EPB41L4A: variants seen among roughly 807,000 people sequenced by gnomAD.
The protein encoded by EPB41L4A is band 4.1-like protein 4A.
Under a neutral mutation model 108.6 loss-of-function variants are expected in EPB41L4A, and 100 were observed. The ratio of observed to expected loss-of-function variants is 0.92; its 90% CI spans 0.78 to 1.09. The LOEUF is 1.09. Ranked by LOEUF, EPB41L4A falls within the 50% of genes least tolerant of loss-of-function variation. The pLI, the probability that EPB41L4A is intolerant of heterozygous loss-of-function variation, is 0.00. For missense variants in EPB41L4A, 1,030 were observed against 842.7 expected, an observed-to-expected ratio of 1.22 and a Z score of -2.75; for synonymous variants, 319 against 289.0, an observed-to-expected ratio of 1.10 and a Z score of -1.05.
chr5:112,222,441 C>T (rs1417281156), intron 12 of EPB41L4A, among the ~76,000 whole-genome samples: 1 of 152,180 alleles, frequency 6.6e-6, no homozygotes, highest in African/African-American at 2.4e-5. Flanking sequence ...ACCCATCTTT[C>T]TCATGGGGAT....
At position 112,218,882 on chromosome 5, in the gene EPB41L4A, A is replaced by G. The variant is rs148088316; in HGVS notation, c.1088-8900T>C. Reference sequence around the variant, plus strand: ...AAATGATACCTAAAATTTTTCATGAAAAGTTTAAATAGTACCAAAGGATAT... The same window carrying G: ...AAATGATACCTAAAATTTTTCATGAGAAGTTTAAATAGTACCAAAGGATAT... On this transcript the variant is annotated intron_variant, in intron 12 of 22. Coordinates refer to ENST00000261486, the MANE Select transcript of EPB41L4A (RefSeq NM_022140.5). Among the ~76,000 whole-genome samples, 5 of 152,302 alleles carry G rather than the reference A, an allele frequency of 3.3e-5. No individual in the cohort carries two copies. In the East Asian group the frequency reaches 9.7e-4, roughly 29 times the overall value.
chr5:112,321,767 G>A (rs1243834295), intron 1 of EPB41L4A, among the ~76,000 whole-genome samples: 8 of 152,132 alleles, frequency 5.3e-5, no homozygotes, highest in Non-Finnish European at 1.0e-4. Context: ...AAAATTTGCT[G>A]CAAAAGTTCC....
chr5:112,326,563 G>A (rs1343494602), intron 1 of EPB41L4A, among the ~76,000 whole-genome samples: 3 of 152,296 alleles, frequency 2.0e-5, no homozygotes, highest in Non-Finnish European at 4.4e-5. Flanking sequence ...TTTTGTCTTT[G>A]TAAGCTCTCT....
chr5:112,339,102 C>A (rs1055716463), intron 1 of EPB41L4A, among the ~76,000 whole-genome samples: 1 of 152,048 alleles, frequency 6.6e-6, no homozygotes, highest in Non-Finnish European at 1.5e-5. Flanking sequence ...ACAGGCCTGG[C>A]GACTGGGTTT....
At chr5:112,343,536 T>C in intron 1 of EPB41L4A, among the ~76,000 whole-genome samples, 1 of 152,132 alleles carries the variant, frequency 6.6e-6, no homozygotes, top group East Asian at 1.9e-4. Context: ...GCTATGCTGT[T>C]GTTGGTGTTG....
intron 3 of EPB41L4A, among the ~76,000 whole-genome samples, chr5:112,276,274 C>G (rs1465483964): frequency 1.3e-5 from 2 of 151,942 alleles, no homozygotes; most frequent in Non-Finnish European, 2.9e-5. Flanking sequence ...TGCCTACAAA[C>G]TTTTTTTTAA....
chr5:112,312,926 A>G (rs1363868632), intron 1 of EPB41L4A, among the ~76,000 whole-genome samples: 1 of 152,252 alleles, frequency 6.6e-6, no homozygotes, highest in Non-Finnish European at 1.5e-5. Flanking sequence ...GAACTGACAT[A>G]GAACCAAAGT....
chr5:112,319,485 C>T (rs753863384), intron 1 of EPB41L4A, among the ~76,000 whole-genome samples: 11 of 152,126 alleles, frequency 7.2e-5, no homozygotes, highest in Non-Finnish European at 1.5e-4. Flanking sequence ...AAAATGAGTA[C>T]ATTAGGGTCA....
Position 112,280,288 on chromosome 5 carries a change from G to C in EPB41L4A, c.240C>G (p.His80Gln). 1 of 1,613,948 alleles carries C rather than the reference G, an allele frequency of 6.2e-7. No individual in the cohort carries two copies. Residue 80 changes from histidine to glutamine, a missense_variant, in exon 3 of 23, where the codon CAC (histidine) becomes CAG (glutamine). Physicochemically the swap from His to Gln is conservative, Grantham distance 24. Coordinates refer to ENST00000261486, the MANE Select transcript of EPB41L4A (RefSeq NM_022140.5). ...AATACCTACTGTTGATCAGTTCTTT[G>C]TGTTCAGCAAGGGTTTTTGCAGGAT... ...WLDPAKTLAEHKELINTGPPY... is the reference protein window; with the variant it reads ...WLDPAKTLAEQKELINTGPPY...
At chr5:112,305,374 C>G (rs1330029538) in intron 2 of EPB41L4A, among the ~76,000 whole-genome samples, 1 of 152,116 alleles carries the variant, frequency 6.6e-6, no homozygotes, top group Non-Finnish European at 1.5e-5. Flanking sequence ...GACAACTTCT[C>G]TGCTATGTGA....
At position 112,260,816 on chromosome 5, in the gene EPB41L4A, T is replaced by C. The variant is rs1388920872; in HGVS notation, c.643-837A>G. On this transcript the variant is annotated intron_variant, in intron 7 of 22. Transcript: ENST00000261486. ...CTAAGATAAATGGTAACCTGCAAAA[T>C]TATATTCACAAAGAACATAAAGCAA... 2.0e-5 allele frequency among the ~76,000 whole-genome samples: 3 copies of C among 152,166 alleles called. No individual in the cohort carries two copies. In the East Asian group the frequency reaches 5.8e-4, roughly 29 times the overall value.
intron 1 of EPB41L4A, among the ~76,000 whole-genome samples, chr5:112,405,812 T>C (rs940038413): frequency 1.3e-5 from 2 of 152,200 alleles, no homozygotes; most frequent in Admixed American, 1.3e-4. Context: ...TGATTATAAA[T>C]TGTCTCATAT....
intron 1 of EPB41L4A, among the ~76,000 whole-genome samples, chr5:112,345,976 T>C (rs1350990553): frequency 1.3e-5 from 2 of 152,024 alleles, no homozygotes. Flanking sequence ...AAATGGGATA[T>C]AGTTAATTGA....
At chr5:112,160,206 G>A (rs1274132983), downstream of EPB41L4A, among the ~76,000 whole-genome samples, 1 of 152,030 alleles carries the variant, frequency 6.6e-6, no homozygotes, top group East Asian at 1.9e-4. Flanking sequence ...CACCGCGCCC[G>A]GCGTTCTTTT....
At chr5:112,352,802 C>T (rs2150736189) in intron 1 of EPB41L4A, among the ~76,000 whole-genome samples, 1 of 152,280 alleles carries the variant, frequency 6.6e-6, no homozygotes, top group Non-Finnish European at 1.5e-5. Context: ...ACATTGAATA[C>T]TCTTTAAAGC....
At chr5:112,268,929 T>C (rs1245176201) in intron 4 of EPB41L4A, among the ~76,000 whole-genome samples, 1 of 149,968 alleles carries the variant, frequency 6.7e-6, no homozygotes, top group East Asian at 1.9e-4. Flanking sequence ...AGACATCTGA[T>C]TCAAAGACAA....
intron 12 of EPB41L4A, among the ~76,000 whole-genome samples, chr5:112,224,136 G>A (rs148636167): frequency 0.05 from 7,559 of 152,166 alleles, 206 homozygotes; most frequent in South Asian, 0.079. Flanking sequence ...ATTTTTAGTA[G>A]AGACAGGGTT....
chr5:112,364,564 C>G (rs1759002373), intron 1 of EPB41L4A, among the ~76,000 whole-genome samples: 1 of 152,084 alleles, frequency 6.6e-6, no homozygotes, highest in South Asian at 2.1e-4. Context: ...CTCAGTGGGG[C>G]AAGGGGGCTT....
chr5:112,367,491 T>A (rs1256871859), intron 1 of EPB41L4A, among the ~76,000 whole-genome samples: 1 of 152,108 alleles, frequency 6.6e-6, no homozygotes, highest in Admixed American at 6.5e-5. Flanking sequence ...GGAGGCCTCA[T>A]CTCCTCTCCT....
Sources: gnomAD v4.1 joint callset for allele counts (sites outside exome capture counted in the v4.1 genomes callset) on GRCh38, gnomAD v4.1.1 for gene constraint, MANE v1.5 for transcripts, NCBI Gene and HGNC (gene_info 2026-07-23, HGNC 2026-07-21) for gene names.